Variants in CACNA2D4 observed in about 807,000 individuals in gnomAD.
CACNA2D4 encodes the protein calcium voltage-gated channel auxiliary subunit alpha2delta 4.
A neutral mutation model predicts 163.8 loss-of-function variants in CACNA2D4; 157 were observed. The ratio of observed to expected loss-of-function variants is 0.96; its 90% CI spans 0.84 to 1.09. The LOEUF is 1.09. Ranked by LOEUF, CACNA2D4 falls within the 50% of genes least tolerant of loss-of-function variation. The probability of loss-of-function intolerance (pLI) is 0.00; values close to 1 mark genes in which losing one functional copy is unlikely to be tolerated. For synonymous variants in CACNA2D4, 598 were observed against 586.9 expected, an observed-to-expected ratio of 1.02 and a Z score of -0.27; for missense variants, 1,410 against 1,479.9, an observed-to-expected ratio of 0.95 and a Z score of 0.78.
At chr12:1,893,524 AT>A (rs1458897004) in intron 6 of CACNA2D4, among the ~76,000 whole-genome samples, 1 of 152,114 alleles carries the variant, frequency 6.6e-6, no homozygotes, top group Non-Finnish European at 1.5e-5. Context: ...TCTCAAAAAA[AT>A]ATATAATAAT....
Position 1,802,015 on chromosome 12 carries a change from CTGTGTGTG to C in CACNA2D4, c.2722-379_2722-372del, listed in dbSNP as rs60739615. On this transcript the variant is annotated intron_variant, in intron 29 of 37. Coordinates refer to ENST00000382722, the MANE Select transcript of CACNA2D4 (RefSeq NM_172364.5). This position sits in a 1 kb window ranked among gnomAD's most constrained non-coding sequence, Gnocchi z 4.7. ...TATGAAACTGGATTTGTTTTATATG[CTGTGTGTG>C]TGTGTGTGTGTGTGTGTGTGTGTGT... is the stretch of plus-strand genomic sequence containing the variant. 0.17 allele frequency among the ~76,000 whole-genome samples: 24,260 copies of C among 144,098 alleles called. 2,022 individuals carry two copies. Among genetic ancestry groups the C allele is most frequent in the Middle Eastern group, 0.19 (54 of 286 alleles). The allele number at this position is 144,098 out of a possible 152,430, so 94.5% of individuals were successfully genotyped here.
chr12:1,838,190 A>G (rs74854062), intron 26 of CACNA2D4, among the ~76,000 whole-genome samples: 7,096 of 152,260 alleles, frequency 0.047, 540 homozygotes, highest in African/African-American at 0.16. Context: ...CTGCTTAGGG[A>G]TGAACGCGAT....
At chr12:1,854,073 C>T in intron 22 of CACNA2D4, 29 bp from the exon 23 acceptor site, 1 of 1,522,810 alleles carries the variant, frequency 6.6e-7, no homozygotes. Context: ...GGAACCAGGC[C>T]ACATGCTTCC....
At chr12:1,851,179 G>A (rs914800102) in intron 23 of CACNA2D4, among the ~76,000 whole-genome samples, 5 of 152,268 alleles carry the variant, frequency 3.3e-5, no homozygotes, top group South Asian at 2.1e-4. Flanking sequence ...CACTACACCC[G>A]ACCACAGAAA....
chr12:1,871,047 A>G (rs2154449076), intron 18 of CACNA2D4, among the ~76,000 whole-genome samples: 1 of 152,056 alleles, frequency 6.6e-6, no homozygotes, highest in South Asian at 2.1e-4. Context: ...GTGTGTGTAT[A>G]CGTGTGTGTT....
At chr12:1,858,789 A>G (rs2286368) in intron 19 of CACNA2D4, 145 bp from the exon 20 acceptor site, 68,289 of 505,686 alleles carry the variant, frequency 0.14, 7,261 homozygotes, top group East Asian at 0.48. Flanking sequence ...CCCCTTCTTT[A>G]CCTCTGGCCT....
chr12:1,811,803 G>C, intron 26 of CACNA2D4, 80 bp from the exon 27 acceptor site: 18 of 1,377,294 alleles, frequency 1.3e-5, no homozygotes, highest in Non-Finnish European at 1.6e-5. Flanking sequence ...AAGAGAGGAG[G>C]TGCTTCCGCA....
intron 23 of CACNA2D4, among the ~76,000 whole-genome samples, chr12:1,849,861 T>C (rs1471007737): frequency 8.5e-5 from 13 of 152,264 alleles, no homozygotes; most frequent in Admixed American, 8.5e-4. Context: ...CATACTTTTT[T>C]CATTACTGAA....
Position 1,913,257 on chromosome 12 carries a change from T to G in CACNA2D4, c.310-118A>C, listed in dbSNP as rs2154452599. On this transcript the variant is annotated intron_variant, in intron 2 of 37. Coordinates refer to ENST00000382722, the MANE Select transcript of CACNA2D4 (RefSeq NM_172364.5). ...GCATTCCGGCACATGGAGCCTGGTTTACTCAACTAGGGTGAGGCCCAGCCC... is the reference window on the plus strand; with the variant it reads ...GCATTCCGGCACATGGAGCCTGGTTGACTCAACTAGGGTGAGGCCCAGCCC... 14 of 727,594 alleles carry G rather than the reference T, an allele frequency of 1.9e-5. No homozygotes were observed. The South Asian group carries it at 2.2e-4, about 12-fold the overall frequency. The allele number at this position is 727,594 out of a possible 1,614,324, so 45.1% of individuals were successfully genotyped here. A position where few individuals can be genotyped will look rare whatever the true frequency, so the allele number is the denominator to read the frequency against.
intron 24 of CACNA2D4, among the ~76,000 whole-genome samples, chr12:1,845,058 A>C (rs1865113387): frequency 7.3e-6 from 1 of 136,530 alleles, no homozygotes; most frequent in Non-Finnish European, 1.6e-5. Context: ...GGCCAGAAGC[A>C]GAGTGGGAGG....
intron 26 of CACNA2D4, among the ~76,000 whole-genome samples, chr12:1,814,965 T>C (rs1250173773): frequency 6.6e-6 from 1 of 152,190 alleles, no homozygotes; most frequent in Non-Finnish European, 1.5e-5. Context: ...TCTCAGCTCA[T>C]TGCAACCTCC....
At chr12:1,823,157 G>A (rs1426384255) in intron 26 of CACNA2D4, 1 of 152,604 alleles carries the variant, frequency 6.6e-6, no homozygotes, top group African/African-American at 2.4e-5. Flanking sequence ...TGGCCCAGGA[G>A]TCAGGAATTC....
intron 6 of CACNA2D4, among the ~76,000 whole-genome samples, chr12:1,905,044 A>T (rs1014366709): frequency 1.3e-5 from 2 of 152,106 alleles, no homozygotes; most frequent in African/African-American, 4.8e-5. Flanking sequence ...TTATTCCTGG[A>T]ATGCAAGGAT....
Position 1,793,628 on chromosome 12 carries a change from C to T in CACNA2D4, c.*27G>A, listed in dbSNP as rs1305476176. 2 of 1,602,504 alleles carry T rather than the reference C, an allele frequency of 1.2e-6. No individual in the cohort carries two copies. The highest frequency in any genetic ancestry group is 2.2e-5 in the East Asian group (1 of 44,832). On this transcript the variant is annotated 3_prime_UTR_variant, in exon 38 of 38. Coordinates refer to ENST00000382722, the MANE Select transcript of CACNA2D4 (RefSeq NM_172364.5). ...GGATGGCTCTGGAAGGATCACCTTG[C>T]CAAAACACAGGTCAGGCTGGGTGGT...
Position 1,863,966 on chromosome 12 carries a change from C to T in CACNA2D4, c.1879-3760G>A, listed in dbSNP as rs147783266. Among the ~76,000 whole-genome samples, 520 of 152,278 alleles carry T rather than the reference C, an allele frequency of 3.4e-3. 3 individuals are homozygous for T. Among genetic ancestry groups the T allele is most frequent in the African/African-American group, 0.011 (468 of 41,538 alleles). ...TGCCAGCCCTTGAGCAGCAGAGTTT[C>T]GGAAATGCGGGAGGACATGCCACCA... On this transcript the variant is annotated intron_variant, in intron 18 of 37. Transcript: ENST00000382722.
intron 8 of CACNA2D4, 24 bp from the exon 9 acceptor site, chr12:1,886,063 G>A (rs1866135354): frequency 1.3e-6 from 2 of 1,591,252 alleles, no homozygotes; most frequent in South Asian, 2.2e-5. Flanking sequence ...GAGTTGAGGG[G>A]AGGTGGGGGG....
chr12:1,832,419 A>T (rs7958636), intron 26 of CACNA2D4, among the ~76,000 whole-genome samples: 19,174 of 152,304 alleles, frequency 0.13, 1,531 homozygotes, highest in Non-Finnish European at 0.17. Context: ...ACGTCCATTT[A>T]TCCGTTCACT....
chr12:1,812,985 T>C (rs1411306113), intron 26 of CACNA2D4, among the ~76,000 whole-genome samples: 1 of 152,210 alleles, frequency 6.6e-6, no homozygotes, highest in African/African-American at 2.4e-5. Context: ...TTTTTGTTTT[T>C]TCACTCTGGA....
Position 1,799,710 on chromosome 12 carries a change from A to G in CACNA2D4, c.2975-15T>C. The G allele has an allele frequency of 1.9e-6, 3 of 1,568,478 alleles. No individual in the cohort carries two copies. Among genetic ancestry groups the G allele is most frequent in the East Asian group, 4.8e-5 (2 of 42,060 alleles). ...GACACTTTTGGCTGGCCGGAACATA[A>G]GCCCAGCACAGGGTGGACACGGCAC... On this transcript the variant is annotated splice_polypyrimidine_tract_variant and intron_variant, in intron 33 of 37. Coordinates refer to ENST00000382722, the MANE Select transcript of CACNA2D4 (RefSeq NM_172364.5). This position sits in a 1 kb window ranked among gnomAD's most constrained non-coding sequence, Gnocchi z 4.7.
Sources: gnomAD v4.1 joint callset for allele counts (sites outside exome capture counted in the v4.1 genomes callset) on GRCh38, gnomAD v4.1.1 for gene constraint, Gnocchi (gnomAD v3.1) non-coding constraint, MANE v1.5 for transcripts, NCBI Gene and HGNC (gene_info 2026-07-23, HGNC 2026-07-21) for gene names.